ADGRB2: variants seen among roughly 807,000 people sequenced by gnomAD.
The protein encoded by ADGRB2 is brain-specific angiogenesis inhibitor 2.
Under a neutral mutation model 178.7 loss-of-function variants are expected in ADGRB2, and 47 were observed. That is an observed-to-expected ratio of 0.26 (90% CI 0.21 to 0.34). The LOEUF is 0.34. Ranked by LOEUF, ADGRB2 falls within the 10% of genes least tolerant of loss-of-function variation. The pLI, the probability that ADGRB2 is intolerant of heterozygous loss-of-function variation, is 1.00. For missense variants in ADGRB2, 1,584 were observed against 2,180.8 expected (o/e 0.73, Z 5.45); for synonymous variants, 870 against 912.4 (o/e 0.95, Z 0.84).
chr1:31,754,066 C>G lies in ADGRB2; in HGVS notation c.838+1933G>C, dbSNP rs1442049218. Among the ~76,000 whole-genome samples, 1 of 152,222 alleles carries G rather than the reference C, an allele frequency of 6.6e-6. No homozygotes were observed. The highest frequency in any genetic ancestry group is 1.5e-5 in the Non-Finnish European group (1 of 68,030). Reference sequence around the variant, plus strand: ...GAGCCCCAGCTCAGGGCTCCCTGCTCAGAGAGACACCTGGCCTCATGCCCA... The same window carrying G: ...GAGCCCCAGCTCAGGGCTCCCTGCTGAGAGAGACACCTGGCCTCATGCCCA... On this transcript the variant is annotated intron_variant, in intron 4 of 32. Transcript: ENST00000373658. The surrounding 1 kb of genome is among the most constrained non-coding windows in gnomAD (Gnocchi z 5.7).
chr1:31,732,290 C>T, intron 27 of ADGRB2, 136 bp from the exon 28 acceptor site: 1 of 1,309,390 alleles, frequency 7.6e-7, no homozygotes, highest in Non-Finnish European at 1.1e-6. Flanking sequence ...AGCCCATGGC[C>T]CAGCAGAGCC....
At chr1:31,763,737 C>G (rs1167359431) in intron 1 of ADGRB2, 147 bp downstream of exon 1, 2 of 963,088 alleles carry the variant, frequency 2.1e-6, no homozygotes, top group South Asian at 4.8e-5. Context: ...GGTGGGCGAA[C>G]GCTGAACGAA....
At chr1:31,742,768 C>A (rs904733365) in intron 7 of ADGRB2, 70 bp downstream of exon 7, 3 of 1,371,548 alleles carry the variant, frequency 2.2e-6, no homozygotes, top group South Asian at 1.8e-5. Flanking sequence ...GACCTGACTG[C>A]CTCCCCAGGT....
chr1:31,740,674 A>G lies in ADGRB2; in HGVS notation c.1795-133T>C. The G allele has an allele frequency of 1.2e-6, 1 of 849,908 alleles. No homozygotes were observed. Among genetic ancestry groups the G allele is most frequent in the Non-Finnish European group, 1.8e-6 (1 of 567,390 alleles). The allele number at this position is 849,908 out of a possible 1,614,324, so 52.6% of individuals were successfully genotyped here. A position where few individuals can be genotyped will look rare whatever the true frequency, so the allele number is the denominator to read the frequency against. ...GGGGGAAAAGGTCAGAGAGGCTCAA[A>G]GGGGCACACAGGGGAGACAGAGTCC... On this transcript the variant is annotated intron_variant, in intron 11 of 32. Transcript: ENST00000373658. The surrounding 1 kb of genome is among the most constrained non-coding windows in gnomAD (Gnocchi z 5.9).
At chr1:31,752,762 C>T (rs564481189) in intron 4 of ADGRB2, among the ~76,000 whole-genome samples, 2 of 151,410 alleles carry the variant, frequency 1.3e-5, no homozygotes, top group Non-Finnish European at 2.9e-5. Context: ...GCTGGGGGCT[C>T]GATCAGGGGG....
At chr1:31,742,317 A>G in intron 7 of ADGRB2, 100 bp from the exon 8 acceptor site, 2 of 1,479,238 alleles carry the variant, frequency 1.4e-6, no homozygotes, top group Non-Finnish European at 1.8e-6. Context: ...CTAGGCATTC[A>G]GATTTGAGCC....
intron 4 of ADGRB2, among the ~76,000 whole-genome samples, chr1:31,745,894 G>A (rs1217668617): frequency 4.6e-5 from 7 of 152,156 alleles, no homozygotes; most frequent in South Asian, 4.1e-4. Context: ...ATCTGCTGCT[G>A]GGGGCTCAGA....
Position 31,759,504 on chromosome 1 carries a change from C to T in ADGRB2, c.-190-1993G>A, listed in dbSNP as rs975276064. The T allele has an allele frequency of 1.5e-5, 10 of 675,474 alleles. No homozygotes were observed. Among genetic ancestry groups the T allele is most frequent in the Admixed American group, 4.5e-5 (2 of 44,484 alleles). The allele number at this position is 675,474 out of a possible 1,614,324, so 41.8% of individuals were successfully genotyped here. On this transcript the variant is annotated intron_variant, in intron 1 of 32. Transcript: ENST00000373658. The surrounding 1 kb of genome is among the most constrained non-coding windows in gnomAD (Gnocchi z 4.3). Reference sequence around the variant, plus strand: ...ACAAGGTCCACATCCTTCAGAGCCACAGGCTGGCTTCTCCAGAATGGAGTC... The same window carrying T: ...ACAAGGTCCACATCCTTCAGAGCCATAGGCTGGCTTCTCCAGAATGGAGTC...
intron 1 of ADGRB2, among the ~76,000 whole-genome samples, chr1:31,762,079 G>A (rs1040329296): frequency 1.3e-5 from 2 of 152,034 alleles, no homozygotes; most frequent in South Asian, 4.1e-4. Flanking sequence ...AAGGGAGGGA[G>A]GGATGGGGGC....
rs1278545474 is a variant in ADGRB2, at chr1:31,741,671, G to A, written c.1640C>T (p.Ala547Val). The A allele has an allele frequency of 2.5e-6, 4 of 1,614,082 alleles. No homozygotes were observed. Among genetic ancestry groups the A allele is most frequent in the Non-Finnish European group, 2.5e-6 (3 of 1,179,992 alleles). The change falls in exon 10 of 33, where the codon GCA becomes GTA. Residue 547 changes from alanine (A) to valine (V), a missense_variant. Ala to Val is a moderately conservative substitution (Grantham distance 64). This residue lies in a region of ADGRB2 where 657 missense variants were observed against 847.6 expected (regional missense o/e 0.78). Transcript: ENST00000373658. This position sits in a 1 kb window ranked among gnomAD's most constrained non-coding sequence, Gnocchi z 6.5. Reference sequence around the variant, plus strand: ...GTTGTAGATGATCTCGCCAGCAGCTGCCTTCTTCCACGTCATCAGCATCAC... The same window carrying A: ...GTTGTAGATGATCTCGCCAGCAGCTACCTTCTTCCACGTCATCAGCATCAC... ...EYVMLMTWKK[A>V]AAGEIIYNKC...
Position 31,737,409 on chromosome 1 carries a change from C to T in ADGRB2, c.2979+20G>A. 1 of 1,603,034 alleles carries T rather than the reference C, an allele frequency of 6.2e-7. No individual in the cohort carries two copies. The highest frequency in any genetic ancestry group is 1.3e-5 in the African/African-American group (1 of 74,802). ...TCCACCCCACTCACACCCCTGGCAG[C>T]CCTGGAAGTCTGCACCTGCCTTGCT... On this transcript the variant is annotated intron_variant, in intron 20 of 32. Transcript: ENST00000373658.
intron 4 of ADGRB2, among the ~76,000 whole-genome samples, chr1:31,751,587 A>C (rs535496410): frequency 1.9e-4 from 29 of 152,366 alleles, no homozygotes; most frequent in African/African-American, 6.7e-4. Context: ...TCTAGCTAGA[A>C]GTTAATAACG....
At chr1:31,739,084 G>C in intron 15 of ADGRB2, 147 bp from the exon 16 acceptor site, 1 of 839,916 alleles carries the variant, frequency 1.2e-6, no homozygotes, top group South Asian at 1.8e-5. Context: ...AGGACTTCAG[G>C]TGAGGTCTAG....
At position 31,756,487 on chromosome 1, in the gene ADGRB2, G is replaced by A. The variant is rs145025368; in HGVS notation, c.350C>T (p.Ala117Val). 206 of 1,611,940 alleles carry A rather than the reference G, an allele frequency of 1.3e-4. No individual in the cohort carries two copies. The Admixed American group carries it at 1.4e-3, about 11-fold the overall frequency. ...FTCLRPSPEE[A>V]VAQAESEVGR... ...CACCTCTGACTCCGCCTGGGCCACCGCCTCCTCGGGGCTAGGCCGCAGGCA... is the reference window on the plus strand; with the variant it reads ...CACCTCTGACTCCGCCTGGGCCACCACCTCCTCGGGGCTAGGCCGCAGGCA... Residue 117 changes from alanine (A) to valine (V), a missense_variant, in exon 4 of 33, where the codon GCG (alanine) becomes GTG (valine). Physicochemically the swap from Ala to Val is moderately conservative, Grantham distance 64. Around this residue, in one of 3 missense-constraint regions of ADGRB2, gnomAD observed 657 missense variants for 847.6 expected, o/e 0.78. Transcript: ENST00000373658. This position sits in a 1 kb window ranked among gnomAD's most constrained non-coding sequence, Gnocchi z 8.5.
rs772471009 is a variant in ADGRB2 at position 31,737,605 on chromosome 1, C to T, written c.2876+47G>A. On this transcript the variant is annotated intron_variant, in intron 19 of 32. Transcript: ENST00000373658. ...ACCTGGTGTGGCTGGCCACCTTCTG[C>T]GCCTGCCCCCCCTCCCCCAGCCACA... The T allele has an allele frequency of 1.7e-5, 28 of 1,610,174 alleles. No homozygotes were observed. In the South Asian group the frequency reaches 1.9e-4, roughly 11 times the overall value.
In ADGRB2 at chr1:31,732,618, G is replaced by A. The variant is rs775515035; in HGVS notation, c.3625-6C>T. ...CACTTCACCACATCCTGGACCTGGGGACAGAGGGCGCCTGCTGGGCCTGAG... is the reference window on the plus strand; with the variant it reads ...CACTTCACCACATCCTGGACCTGGGAACAGAGGGCGCCTGCTGGGCCTGAG... On this transcript the variant is annotated splice_polypyrimidine_tract_variant and splice_region_variant and intron_variant, in intron 26 of 32. Transcript: ENST00000373658. The A allele has an allele frequency of 8.1e-6, 13 of 1,613,472 alleles. No homozygotes were observed. Among genetic ancestry groups the A allele is most frequent in the Middle Eastern group, 1.6e-4 (1 of 6,082 alleles).
intron 22 of ADGRB2, among the ~76,000 whole-genome samples, 157 bp from the exon 23 acceptor site, chr1:31,736,050 G>A (rs572071540): frequency 2.6e-5 from 4 of 152,250 alleles, no homozygotes; most frequent in Non-Finnish European, 4.4e-5. Context: ...GCTGAGCCTC[G>A]GTTTCCCCTC....
chr1:31,757,859 T>C (rs1557796491), intron 1 of ADGRB2, among the ~76,000 whole-genome samples: 1 of 152,104 alleles, frequency 6.6e-6, no homozygotes, highest in African/African-American at 2.4e-5. Flanking sequence ...TACCTTCCCT[T>C]AAAGTGCTGC....
chr1:31,736,720 C>A lies in ADGRB2; in HGVS notation c.2983G>T (p.Val995Leu). The A allele has an allele frequency of 6.2e-7, 1 of 1,613,416 alleles. No individual in the cohort carries two copies. Among genetic ancestry groups the A allele is most frequent in the African/African-American group, 1.3e-5 (1 of 75,038 alleles). ...VGQSRVLSKG[V>L]CTMTAAFLHF... ...AGGAAGGCAGCCGTCATGGTGCACA[C>A]GCCCTGCAGGGAGAGGGAATGGGAG... Residue 995 changes from valine to leucine, a missense_variant, in exon 21 of 33, where the codon GTG (valine) becomes TTG (leucine). This residue lies in a region of ADGRB2 where 865 missense variants were observed against 1,192.8 expected (regional missense o/e 0.73). Transcript: ENST00000373658.
Sources: gnomAD v4.1 joint callset for allele counts (sites outside exome capture counted in the v4.1 genomes callset) on GRCh38, gnomAD v4.1.1 for gene constraint, gnomAD v4.1.1 regional missense constraint, Gnocchi (gnomAD v3.1) non-coding constraint, MANE v1.5 for transcripts, NCBI Gene and HGNC (gene_info 2026-07-23, HGNC 2026-07-21) for gene names.